Variants in MIPEP observed in about 807,000 individuals in gnomAD.
The protein encoded by MIPEP is mitochondrial intermediate peptidase.
A neutral mutation model predicts 90.3 loss-of-function variants in MIPEP; 79 were observed. The ratio of observed to expected loss-of-function variants is 0.87; its 90% CI spans 0.73 to 1.05. MIPEP has a LOEUF of 1.05. Among genes scored for constraint, MIPEP ranks in the 50% least tolerant of loss-of-function variants. The probability of loss-of-function intolerance (pLI) is 0.00; values close to 1 mark genes in which losing one functional copy is unlikely to be tolerated. For missense variants in MIPEP, 940 were observed against 905.6 expected (o/e 1.04, Z -0.49); for synonymous variants, 334 against 315.8 (o/e 1.06, Z -0.61).
At chr13:23,756,960 C>T in intron 17 of MIPEP, 2 of 279,940 alleles carry the variant, frequency 7.1e-6, no homozygotes, top group South Asian at 5.1e-5. Context: ...TTGTGAAAGA[C>T]AATTTTTCCA....
intron 10 of MIPEP, among the ~76,000 whole-genome samples, chr13:23,846,344 C>T (rs1869539838): frequency 6.6e-6 from 1 of 152,094 alleles, no homozygotes; most frequent in Non-Finnish European, 1.5e-5. Context: ...ATGACAAAAT[C>T]CTGTGCTTTA....
intron 16 of MIPEP, among the ~76,000 whole-genome samples, chr13:23,798,574 T>G (rs1952990886): frequency 6.6e-6 from 1 of 152,208 alleles, no homozygotes; most frequent in South Asian, 2.1e-4. Context: ...CATGTCAAAT[T>G]GTAATCCACA....
intron 16 of MIPEP, 48 bp downstream of exon 16, chr13:23,805,902 T>C (rs776347018): frequency 5.9e-5 from 95 of 1,597,818 alleles, no homozygotes; most frequent in Non-Finnish European, 6.8e-5. Context: ...ACAGAAGTAA[T>C]AGCAGAACCA....
chr13:23,889,225 C>T lies in MIPEP; in HGVS notation c.96G>A (p.Arg32=), dbSNP rs1413839809. The part of the protein sequence containing the change: ...AGRGSLEAGI[R]ARRVSTSWSP... ...ACCAGCTGGTGCTGACCCTTCGGGC[C>T]CGGATCCCGGCTTCGAGGCTTCCCC... The change falls in exon 1 of 19, where the codon CGG becomes CGA. Residue 32 remains arginine, a synonymous_variant. Coordinates refer to ENST00000382172, the MANE Select transcript of MIPEP (RefSeq NM_005932.4). 1.8e-5 allele frequency: 26 copies of T among 1,417,938 alleles called. No individual in the cohort carries two copies. Among genetic ancestry groups the T allele is most frequent in the Admixed American group, 3.3e-5 (1 of 30,390 alleles). 87.8% of individuals were successfully genotyped at this position (1,417,938 alleles called of 1,614,324 possible). A position where few individuals can be genotyped will look rare whatever the true frequency, so the allele number is the denominator to read the frequency against.
intron 14 of MIPEP, among the ~76,000 whole-genome samples, chr13:23,818,252 AC>A (rs1200443365): frequency 2.6e-4 from 34 of 128,348 alleles, no homozygotes; most frequent in African/African-American, 1.1e-3. Context: ...CCCTGTATCT[AC>A]TTAAAAAAAA....
chr13:23,796,187 G>C (rs1327552844), intron 16 of MIPEP, among the ~76,000 whole-genome samples: 1 of 152,134 alleles, frequency 6.6e-6, no homozygotes, highest in Non-Finnish European at 1.5e-5. Flanking sequence ...GGGAGGCCGA[G>C]GTGGGCGGAT....
chr13:23,805,518 T>C (rs1388525148), intron 16 of MIPEP, among the ~76,000 whole-genome samples: 1 of 152,210 alleles, frequency 6.6e-6, no homozygotes, highest in Admixed American at 6.5e-5. Context: ...TCTCCTGACA[T>C]GGTACTCAAC....
intron 16 of MIPEP, among the ~76,000 whole-genome samples, chr13:23,805,141 G>A (rs1217207458): frequency 6.6e-6 from 1 of 152,188 alleles, no homozygotes; most frequent in Non-Finnish European, 1.5e-5. Flanking sequence ...AAGTCCGTGT[G>A]AACCACGTTT....
chr13:23,821,678 C>T (rs186339080), intron 14 of MIPEP, among the ~76,000 whole-genome samples: 1 of 152,260 alleles, frequency 6.6e-6, no homozygotes, highest in Admixed American at 6.5e-5. Context: ...CCAGGACCTT[C>T]CTCCAAGAAC....
chr13:23,793,445 T>C (rs1386617993), intron 16 of MIPEP, among the ~76,000 whole-genome samples: 1 of 152,220 alleles, frequency 6.6e-6, no homozygotes, highest in African/African-American at 2.4e-5. Flanking sequence ...TATTTTGATC[T>C]GGGTGGTGGT....
chr13:23,759,319 C>T (rs1376384866), intron 17 of MIPEP, among the ~76,000 whole-genome samples: 1 of 151,808 alleles, frequency 6.6e-6, no homozygotes, highest in Non-Finnish European at 1.5e-5. Flanking sequence ...CGGGAACCCT[C>T]GCACCCTTCA....
intron 17 of MIPEP, among the ~76,000 whole-genome samples, chr13:23,757,244 T>C (rs1031482704): frequency 1.2e-4 from 18 of 151,938 alleles, no homozygotes; most frequent in Admixed American, 1.2e-3. Flanking sequence ...AAGGATCACA[T>C]GCGCAGTTCA....
intron 16 of MIPEP, among the ~76,000 whole-genome samples, chr13:23,763,011 A>G (rs149052476): frequency 3.3e-5 from 5 of 152,332 alleles, no homozygotes; most frequent in African/African-American, 1.2e-4. Context: ...TCATCCTATT[A>G]AGATGCAAGT....
intron 14 of MIPEP, among the ~76,000 whole-genome samples, chr13:23,819,600 C>G (rs1877146113): frequency 6.6e-6 from 1 of 152,066 alleles, no homozygotes; most frequent in African/African-American, 2.4e-5. Context: ...CCAGAAAATT[C>G]TGAATTCCAA....
At chr13:23,790,259 G>A (rs55752038) in intron 16 of MIPEP, among the ~76,000 whole-genome samples, 26,642 of 152,088 alleles carry the variant, frequency 0.18, 3,130 homozygotes, top group Non-Finnish European at 0.27. Context: ...AGAAGCGTCC[G>A]TCCTTCTCAC....
intron 16 of MIPEP, among the ~76,000 whole-genome samples, chr13:23,793,959 G>A (rs1002233710): frequency 1.3e-5 from 2 of 152,102 alleles, no homozygotes; most frequent in African/African-American, 2.4e-5. Context: ...ATCAATGGAA[G>A]CCATTGAGGG....
Position 23,833,587 on chromosome 13 carries a change from G to A in MIPEP, c.1653+2653C>T, listed in dbSNP as rs569958610. 3.9e-5 allele frequency among the ~76,000 whole-genome samples: 6 copies of A among 152,308 alleles called. No homozygotes were observed. In the South Asian group the frequency reaches 1.2e-3, roughly 32 times the overall value. On this transcript the variant is annotated intron_variant, in intron 14 of 18. Coordinates refer to ENST00000382172, the MANE Select transcript of MIPEP (RefSeq NM_005932.4). Reference sequence around the variant, plus strand: ...ATAATTTAGTAAGAATACAGGCATTGAGAAGCTCTCTCCTTTTGCACCTTA... The same window carrying A: ...ATAATTTAGTAAGAATACAGGCATTAAGAAGCTCTCTCCTTTTGCACCTTA...
At chr13:23,800,111 G>A (rs1351146900) in intron 16 of MIPEP, among the ~76,000 whole-genome samples, 1 of 152,104 alleles carries the variant, frequency 6.6e-6, no homozygotes, top group Admixed American at 6.6e-5. Flanking sequence ...TACCAAATTA[G>A]GTCAAAACAC....
intron 18 of MIPEP, among the ~76,000 whole-genome samples, chr13:23,736,904 T>C (rs192554923): frequency 6.6e-6 from 1 of 152,212 alleles, no homozygotes; most frequent in Admixed American, 6.5e-5. Flanking sequence ...ACACAACTCA[T>C]AGGTTTGCTT....
Sources: gnomAD v4.1 joint callset for allele counts (sites outside exome capture counted in the v4.1 genomes callset) on GRCh38, gnomAD v4.1.1 for gene constraint, MANE v1.5 for transcripts, NCBI Gene and HGNC (gene_info 2026-07-23, HGNC 2026-07-21) for gene names.